Variants in BRD4 observed in about 807,000 individuals in gnomAD.
BRD4 encodes bromodomain-containing protein 4.
In BRD4, 16 loss-of-function variants were observed where a neutral mutation model predicts 142.1. The observed-to-expected ratio is 0.11, with a 90% CI of 0.08 to 0.17. BRD4 has a LOEUF of 0.17. Ranked by LOEUF, BRD4 falls within the 10% of genes least tolerant of loss-of-function variation. The pLI, the probability that BRD4 is intolerant of heterozygous loss-of-function variation, is 1.00. For synonymous variants in BRD4, 833 were observed against 707.5 expected (o/e 1.18, Z -2.82); for missense variants, 1,424 against 1,810.9 (o/e 0.79, Z 3.88).
chr19:15,304,263 T>C (rs547318761), intron 1 of BRD4, among the ~76,000 whole-genome samples: 6 of 152,262 alleles, frequency 3.9e-5, no homozygotes, highest in Admixed American at 6.5e-5. Context: ...ACACACAGTG[T>C]GTGCTGGCAA....
At chr19:15,290,877 C>T (rs564524864) in intron 1 of BRD4, among the ~76,000 whole-genome samples, 3 of 152,238 alleles carry the variant, frequency 2.0e-5, no homozygotes, top group African/African-American at 4.8e-5. Flanking sequence ...AATTTGATTT[C>T]AACCCAAGGA....
chr19:15,305,252 A>T (rs2047904215), intron 1 of BRD4, among the ~76,000 whole-genome samples: 1 of 152,152 alleles, frequency 6.6e-6, no homozygotes, highest in African/African-American at 2.4e-5. Context: ...CATGTTAGTC[A>T]GGCTGGTCTC....
rs2047405036 is a variant in BRD4 at position 15,256,058 on chromosome 19, A to G, written c.1751+6T>C. 1.9e-6 allele frequency: 3 copies of G among 1,610,860 alleles called. No homozygotes were observed. Among genetic ancestry groups the G allele is most frequent in the Non-Finnish European group, 2.5e-6 (3 of 1,179,700 alleles). Reference sequence around the variant, plus strand: ...CCCACCCAGGACAAATTCAGGGGACACAGACCTCACATTGCTGTTGCTGCT... The same window carrying G: ...CCCACCCAGGACAAATTCAGGGGACGCAGACCTCACATTGCTGTTGCTGCT... On this transcript the variant is annotated splice_donor_region_variant and intron_variant, in intron 9 of 19. Coordinates refer to ENST00000679869, the MANE Select transcript of BRD4 (RefSeq NM_001379291.1).
chr19:15,270,219 C>A (rs1015841454), intron 2 of BRD4, among the ~76,000 whole-genome samples: 2 of 152,236 alleles, frequency 1.3e-5, no homozygotes, highest in Non-Finnish European at 2.9e-5. Context: ...CACTGAGGCC[C>A]TGCTCGGGAT....
intron 14 of BRD4, among the ~76,000 whole-genome samples, chr19:15,241,785 G>C (rs1039835933): frequency 2.0e-5 from 3 of 150,322 alleles, no homozygotes; most frequent in African/African-American, 7.3e-5. Flanking sequence ...AGGGCATGCA[G>C]AGATCCACTT....
chr19:15,307,327 G>C (rs879581236), intron 1 of BRD4, among the ~76,000 whole-genome samples: 13 of 152,170 alleles, frequency 8.5e-5, no homozygotes, highest in African/African-American at 3.1e-4. Context: ...AACTCTGACA[G>C]GTGGATGGAG....
At chr19:15,328,260 T>G (rs1449871633) in intron 1 of BRD4, among the ~76,000 whole-genome samples, 1 of 152,124 alleles carries the variant, frequency 6.6e-6, no homozygotes, top group African/African-American at 2.4e-5. Flanking sequence ...ATCAAAATAT[T>G]TAAAAATGTG....
At chr19:15,273,240 G>A (rs879764691) in intron 1 of BRD4, 107 bp from the exon 2 acceptor site, 40 of 1,197,844 alleles carry the variant, frequency 3.3e-5, no homozygotes, top group Middle Eastern at 2.9e-4. Flanking sequence ...GTTCCCTGGC[G>A]GTAGCTAGCC....
chr19:15,263,816 G>C (rs984290151), intron 6 of BRD4, among the ~76,000 whole-genome samples: 4 of 152,196 alleles, frequency 2.6e-5, no homozygotes, highest in African/African-American at 4.8e-5. Flanking sequence ...AGAAATGACG[G>C]GGAGAACTGA....
chr19:15,243,274 A>T lies in BRD4; in HGVS notation c.2795T>A (p.Leu932Gln). The T allele has an allele frequency of 7.1e-7, 1 of 1,399,872 alleles. No homozygotes were observed. Among genetic ancestry groups the T allele is most frequent in the Non-Finnish European group, 9.4e-7 (1 of 1,062,376 alleles). 86.7% of individuals were successfully genotyped at this position (1,399,872 alleles called of 1,614,324 possible). A position where few individuals can be genotyped will look rare whatever the true frequency, so the allele number is the denominator to read the frequency against. The change falls in exon 14 of 20, where the codon CTG (leucine) becomes CAG (glutamine). Residue 932 changes from leucine (L) to glutamine (Q), a missense_variant. This residue lies in a region of BRD4 where 598 missense variants were observed against 647.8 expected (regional missense o/e 0.92). Transcript: ENST00000679869. ...GGGCTGCACCTTCTGCAGCTGCTGC[A>T]GGTACAGCTGCATCTGCATGGAGGT... ...PLTSMQMQLYLQQLQKVQPPT... is the reference protein window; with the variant it reads ...PLTSMQMQLYQQQLQKVQPPT...
At chr19:15,331,389 C>G (rs143069808) in intron 1 of BRD4, among the ~76,000 whole-genome samples, 1,933 of 152,302 alleles carry the variant, frequency 0.013, 19 homozygotes, top group Non-Finnish European at 0.018. Flanking sequence ...ACAACTCCCC[C>G]ACATCCCCAC....
chr19:15,314,970 CAGG>C (rs1334591128), intron 1 of BRD4, among the ~76,000 whole-genome samples: 2 of 152,174 alleles, frequency 1.3e-5, no homozygotes, highest in Non-Finnish European at 2.9e-5. Context: ...TCACAGAACC[CAGG>C]AGCCCAGGGT....
intron 1 of BRD4, among the ~76,000 whole-genome samples, chr19:15,310,361 C>G (rs12985910): frequency 0.45 from 2,278 of 5,084 alleles, 208 homozygotes; most frequent in Non-Finnish European, 0.5. Flanking sequence ...TTTGGATTCC[C>G]CCCCCCCCCC....
chr19:15,278,303 G>A (rs995730443), intron 1 of BRD4, among the ~76,000 whole-genome samples: 1 of 151,664 alleles, frequency 6.6e-6, no homozygotes, highest in Non-Finnish European at 1.5e-5. Flanking sequence ...GGGAAAACGA[G>A]GTAGGCAGAT....
chr19:15,280,649 G>A (rs1182569341), intron 1 of BRD4, among the ~76,000 whole-genome samples: 1 of 152,146 alleles, frequency 6.6e-6, no homozygotes, highest in Non-Finnish European at 1.5e-5. Context: ...GAGGGGACAT[G>A]GCTTAAATTT....
rs34235278 is a variant in BRD4, at chr19:15,305,023, CTTTTTTT to C, written c.-35+27260_-35+27266del. On this transcript the variant is annotated intron_variant, in intron 1 of 19. Coordinates refer to ENST00000679869, the MANE Select transcript of BRD4 (RefSeq NM_001379291.1). ...TCACCTACATTAAAATTAAGACCAT[CTTTTTTT>C]TTTTTTTTTTTTTGAGACGGAGTTG... Among the ~76,000 whole-genome samples the C allele has an allele frequency of 1.7e-3, 217 of 126,420 alleles. 2 individuals carry two copies. Among genetic ancestry groups the C allele is most frequent in the African/African-American group, 6.1e-3 (195 of 31,952 alleles). 82.9% of individuals were successfully genotyped at this position (126,420 alleles called of 152,430 possible).
At chr19:15,244,823 G>C in intron 11 of BRD4, 61 bp from the exon 12 acceptor site, 1 of 1,611,166 alleles carries the variant, frequency 6.2e-7, no homozygotes, top group Non-Finnish European at 8.5e-7. Context: ...GCTGGCCTTG[G>C]ATGAAGAAAG....
At chr19:15,299,488 G>A (rs1269968896) in intron 1 of BRD4, among the ~76,000 whole-genome samples, 1 of 152,142 alleles carries the variant, frequency 6.6e-6, no homozygotes, top group African/African-American at 2.4e-5. Flanking sequence ...GGTGGGTAGG[G>A]GGTGAATGAA....
At position 15,257,144 on chromosome 19, in the gene BRD4, C is replaced by T. The variant is rs753334441; in HGVS notation, c.1371G>A (p.Met457Ile). Residue 457 changes from methionine to isoleucine, a missense_variant, in exon 8 of 20, where the codon ATG (methionine) becomes ATA (isoleucine). By Grantham distance (10) the Met-to-Ile change is conservative. This residue lies in a region of BRD4 where 90 missense variants were observed against 93.2 expected (regional missense o/e 0.97). Coordinates refer to ENST00000679869, the MANE Select transcript of BRD4 (RefSeq NM_001379291.1). ...QDVFEMRFAK[M>I]PDEPEEPVVA... ...CCACTGGCTCCTCAGGCTCGTCCGG[C>T]ATCTTGGCAAAGCGCATTTCGAACA... The T allele has an allele frequency of 4.4e-6, 7 of 1,608,332 alleles. No homozygotes were observed.
Sources: allele counts gnomAD v4.1 joint callset (sites outside exome capture counted in the v4.1 genomes callset), GRCh38; gene constraint gnomAD v4.1.1; regional missense constraint gnomAD v4.1.1; transcripts MANE v1.5; gene names NCBI Gene and HGNC (gene_info 2026-07-23, HGNC 2026-07-21).